ERC2: variants seen among roughly 807,000 people sequenced by gnomAD.
The protein encoded by ERC2 is ERC protein 2.
ERC2 carries 42 observed loss-of-function variants against 114.8 expected under a neutral mutation model. That is an observed-to-expected ratio of 0.37 (90% CI 0.29 to 0.47). The LOEUF is 0.47. Among genes scored for constraint, ERC2 ranks in the 20% least tolerant of loss-of-function variants. The pLI is 0.99. For missense variants in ERC2, 939 were observed against 1,150.7 expected (o/e 0.82, Z 2.66); for synonymous variants, 454 against 425.5 (o/e 1.07, Z -0.82).
intron 17 of ERC2, chr3:55,657,554 C>T (rs1162846041): frequency 6.6e-6 from 1 of 152,166 alleles, no homozygotes; most frequent in Non-Finnish European, 1.5e-5. Context: ...TTCCTGGGCT[C>T]AGGTAATTCT....
At position 55,532,791 on chromosome 3, in the gene ERC2, G is replaced by A. The variant is rs527971923; in HGVS notation, c.*40-21515C>T. On this transcript the variant is annotated intron_variant, in intron 17 of 17. Coordinates refer to ENST00000288221, the MANE Select transcript of ERC2 (RefSeq NM_015576.3). The stretch of plus-strand genomic sequence containing the variant: ...CAGGCTCCTTCTTTACTTGTGCTGT[G>A]TTCTCAGTTAATCGGTTCACTTTTA... 9.2e-5 allele frequency among the ~76,000 whole-genome samples: 14 copies of A among 152,312 alleles called. No homozygotes were observed. In the South Asian group the frequency reaches 2.9e-3, roughly 32 times the overall value.
At chr3:56,182,556 C>A (rs2083345932) in intron 3 of ERC2, among the ~76,000 whole-genome samples, 1 of 152,182 alleles carries the variant, frequency 6.6e-6, no homozygotes, top group Non-Finnish European at 1.5e-5. Flanking sequence ...CCAAAATAAC[C>A]TCCCTAAGTA....
rs569310727 is a variant in ERC2 at position 55,769,259 on chromosome 3, CT to C, written c.2565-34342del. Among the ~76,000 whole-genome samples the C allele has an allele frequency of 3.3e-4, 50 of 152,218 alleles. 3 individuals are homozygous for C. The South Asian group carries it at 0.01, about 31-fold the overall frequency. On this transcript the variant is annotated intron_variant, in intron 14 of 17. Transcript: ENST00000288221. The stretch of plus-strand genomic sequence containing the variant: ...TAGACCTAAGTGGTTATCATCACTG[CT>C]GATGAGGTCAAGTCATTCAACATTT...
intron 6 of ERC2, among the ~76,000 whole-genome samples, chr3:56,123,753 C>G (rs2079719751): frequency 6.6e-6 from 1 of 152,174 alleles, no homozygotes; most frequent in Non-Finnish European, 1.5e-5. Context: ...TCCTGTGGCT[C>G]CCCATTGTAC....
intron 6 of ERC2, among the ~76,000 whole-genome samples, chr3:56,115,135 T>C (rs899999848): frequency 7.9e-5 from 12 of 152,186 alleles, no homozygotes; most frequent in South Asian, 2.1e-4. Flanking sequence ...CAAGAAGGAA[T>C]TGACTTCCAG....
intron 17 of ERC2, among the ~76,000 whole-genome samples, chr3:55,628,731 G>T (rs2059623220): frequency 6.6e-6 from 1 of 152,182 alleles, no homozygotes; most frequent in Non-Finnish European, 1.5e-5. Context: ...CTAGATGAAG[G>T]CCAAGCCAGG....
In ERC2 at chr3:55,793,992, A is replaced by C. The variant is rs150453223; in HGVS notation, c.2565-59074T>G. Among the ~76,000 whole-genome samples, 950 of 152,338 alleles carry C rather than the reference A, an allele frequency of 6.2e-3. 10 individuals are homozygous for C. The highest frequency in any genetic ancestry group is 0.021 in the African/African-American group (890 of 41,578). ...ATTAGAATTTCTTTCTGGACCTTTA[A>C]AATAAGCATTAAAAGCAAAACCATG... is the stretch of plus-strand genomic sequence containing the variant. On this transcript the variant is annotated intron_variant, in intron 14 of 17. Transcript: ENST00000288221.
At chr3:56,286,026 C>T (rs915758906) in intron 3 of ERC2, among the ~76,000 whole-genome samples, 1 of 152,122 alleles carries the variant, frequency 6.6e-6, no homozygotes, top group Admixed American at 6.5e-5. Flanking sequence ...CCAAAACACA[C>T]CACTCCTAAA....
chr3:55,566,970 G>A (rs1223393299), intron 17 of ERC2, among the ~76,000 whole-genome samples: 1 of 152,052 alleles, frequency 6.6e-6, no homozygotes, highest in Non-Finnish European at 1.5e-5. Context: ...CAAAGTGTTG[G>A]GATTACAGGC....
chr3:56,016,153 G>A (rs1378269215), intron 8 of ERC2, among the ~76,000 whole-genome samples: 1 of 152,112 alleles, frequency 6.6e-6, no homozygotes, highest in Non-Finnish European at 1.5e-5. Context: ...CCATTCTGTA[G>A]GTTGTCTGTT....
chr3:56,065,737 C>A (rs974505817), intron 7 of ERC2, among the ~76,000 whole-genome samples: 1 of 151,966 alleles, frequency 6.6e-6, no homozygotes, highest in Non-Finnish European at 1.5e-5. Context: ...GTGTGTTGTT[C>A]CTCTCCCTGT....
At chr3:56,374,507 C>T (rs2059468019) in intron 2 of ERC2, among the ~76,000 whole-genome samples, 1 of 152,184 alleles carries the variant, frequency 6.6e-6, no homozygotes, top group Non-Finnish European at 1.5e-5. Context: ...GTGTGAAATG[C>T]TTTGAGTATA....
At chr3:55,708,984 G>A (rs1056075315) in intron 15 of ERC2, among the ~76,000 whole-genome samples, 1 of 152,144 alleles carries the variant, frequency 6.6e-6, no homozygotes, top group Non-Finnish European at 1.5e-5. Context: ...TCGGACTCTA[G>A]AATTGTGCTG....
chr3:56,321,320 T>C (rs767441790), intron 2 of ERC2, among the ~76,000 whole-genome samples: 15 of 152,104 alleles, frequency 9.9e-5, no homozygotes, highest in Non-Finnish European at 2.1e-4. Context: ...ATAACTTCCA[T>C]ATCTGTAGGG....
chr3:56,032,594 A>G (rs545659660), intron 7 of ERC2, among the ~76,000 whole-genome samples: 1 of 152,276 alleles, frequency 6.6e-6, no homozygotes, highest in Non-Finnish European at 1.5e-5. Context: ...GATATGATCA[A>G]ATTCTCAAAA....
chr3:56,380,704 C>T (rs2059716121), intron 2 of ERC2, among the ~76,000 whole-genome samples: 1 of 152,132 alleles, frequency 6.6e-6, no homozygotes, highest in Non-Finnish European at 1.5e-5. Context: ...TAAGCTATCA[C>T]CATATCATCT....
intron 17 of ERC2, among the ~76,000 whole-genome samples, chr3:55,616,288 T>C (rs2059119334): frequency 6.8e-6 from 1 of 146,990 alleles, no homozygotes; most frequent in Non-Finnish European, 1.5e-5. Context: ...TTTGGATAAG[T>C]AGCAGCCACT....
intron 3 of ERC2, among the ~76,000 whole-genome samples, chr3:56,292,269 T>C (rs764679207): frequency 7.0e-4 from 106 of 151,978 alleles, no homozygotes; most frequent in African/African-American, 2.4e-3. Context: ...CCAAGCACAA[T>C]TTGGGGAAAA....
chr3:55,883,671 C>T (rs567233013), intron 14 of ERC2, among the ~76,000 whole-genome samples: 3 of 152,028 alleles, frequency 2.0e-5, no homozygotes, highest in East Asian at 3.9e-4. Flanking sequence ...GGGTGGATCA[C>T]GAGGTCAGGA....
Sources: allele counts gnomAD v4.1 joint callset (sites outside exome capture counted in the v4.1 genomes callset), GRCh38; gene constraint gnomAD v4.1.1; transcripts MANE v1.5; gene names NCBI Gene and HGNC (gene_info 2026-07-23, HGNC 2026-07-21).